The following TEX13D variants were observed in gnomAD, a reference collection of about 807,000 sequenced individuals.
TEX13D encodes TEX13 family member D, also known as testis-expressed protein 13D.
For missense variants in TEX13D, 261 were observed against 265.8 expected, an observed-to-expected ratio of 0.98 and a Z score of 0.12; for synonymous variants, 115 against 104.5, an observed-to-expected ratio of 1.10 and a Z score of -0.61.
Position 124,334,160 on chromosome X carries a change from G to C in TEX13D, c.1243G>C (p.Glu415Gln). 2 of 937,098 alleles carry C rather than the reference G, an allele frequency of 2.1e-6. No individual in the cohort carries two copies. Among genetic ancestry groups the C allele is most frequent in the Middle Eastern group, 4.5e-4 (1 of 2,238 alleles). 77.2% of individuals were successfully genotyped at this position (937,098 alleles called of 1,213,427 possible). ...PQGDSRSYSQ[E>Q]GCSDRAQEMA... ...GGGAGACAGCAGAAGCTACAGCCAG[G>C]AAGGATGTTCAGATAGGGCCCAGGA... is the stretch of plus-strand genomic sequence containing the variant. Residue 415 changes from glutamate (E) to glutamine (Q), a missense_variant, in exon 1 of 1, where the codon GAA (glutamate) becomes CAA (glutamine). Transcript: ENST00000632372.
rs2059970959 is a variant in TEX13D at position 124,335,046 on chromosome X, G to T, written c.2129G>T (p.Gly710Val). ...AAAGCCTGTGTGCCATTTGAGAGTG[G>T]AGGACAAACTCAGTGATTTCAGGAA... ...CKKACVPFES[G>V]GQTQ is the part of the protein sequence containing the mutation. Residue 710 changes from glycine (G) to valine (V), a missense_variant, in exon 1 of 1, where the codon GGA (glycine) becomes GTA (valine). By Grantham distance (109) the Gly-to-Val change is moderately radical. Coordinates refer to ENST00000632372, the MANE Select transcript of TEX13D (RefSeq NM_001355534.2). 2.1e-6 allele frequency: 2 copies of T among 936,193 alleles called. No homozygotes were observed. Among genetic ancestry groups the T allele is most frequent in the South Asian group, 1.2e-4 (2 of 16,834 alleles). 77.2% of individuals were successfully genotyped at this position (936,193 alleles called of 1,213,427 possible).
rs1026377220 is a variant in TEX13D at position 124,333,421 on chromosome X, A to G, written c.504A>G (p.Ala168=). The change falls in exon 1 of 1, where the codon GCA becomes GCG. Residue 168 remains alanine (A), a synonymous_variant. Transcript: ENST00000632372. The stretch of plus-strand genomic sequence containing the variant: ...ATGAAATAATGTCTGGGCCGCAAGC[A>G]GAGCAGAATGGGGCTGCGGCATGTC... ...LAHEIMSGPQ[A]EQNGAAACPL... 5 of 336,432 alleles carry G rather than the reference A, an allele frequency of 1.5e-5. No homozygotes were observed. The highest frequency in any genetic ancestry group is 1.4e-4 in the African/African-American group (5 of 36,962). 27.7% of individuals were successfully genotyped at this position (336,432 alleles called of 1,213,427 possible).
chrX:124,335,487 T>TTAA lies in TEX13D; in HGVS notation c.*426_*427insAAT, dbSNP rs1386733169. The TTAA allele has an allele frequency of 8.8e-6, 1 of 113,124 alleles. No individual in the cohort carries two copies. Among genetic ancestry groups the TTAA allele is most frequent in the Non-Finnish European group, 1.9e-5 (1 of 53,958 alleles). 9.3% of individuals were successfully genotyped at this position (113,124 alleles called of 1,213,427 possible). On this transcript the variant is annotated 3_prime_UTR_variant, in exon 1 of 1. Coordinates refer to ENST00000632372, the MANE Select transcript of TEX13D (RefSeq NM_001355534.2). Reference sequence around the variant, plus strand: ...TATGTGGCTGGGAGCAGTTGTGTGATTTTAGAGTTAGAAGATATGTTGAAT... The same window carrying TTAA: ...TATGTGGCTGGGAGCAGTTGTGTGATTAATTTAGAGTTAGAAGATATGTTGAAT...
In TEX13D at chrX:124,335,224, C is replaced by T; in HGVS notation, c.*162C>T. The T allele has an allele frequency of 5.6e-6, 2 of 356,759 alleles. No individual in the cohort carries two copies. Among genetic ancestry groups the T allele is most frequent in the Non-Finnish European group, 4.4e-6 (1 of 227,882 alleles). The allele number at this position is 356,759 out of a possible 1,213,427, so 29.4% of individuals were successfully genotyped here. On this transcript the variant is annotated 3_prime_UTR_variant, in exon 1 of 1. Coordinates refer to ENST00000632372, the MANE Select transcript of TEX13D (RefSeq NM_001355534.2). ...TTTATTATCCCATTACCCAAATTAG[C>T]CATTTTAAAAGTTGTTTTGGATACA...
chrX:124,334,120 G>T lies in TEX13D; in HGVS notation c.1203G>T (p.Gln401His), dbSNP rs774860995. The T allele has an allele frequency of 2.7e-3, 2,529 of 935,035 alleles. 1 individual carries two copies. The highest frequency in any genetic ancestry group is 3.1e-3 in the Non-Finnish European group (2,313 of 755,255). 77.1% of individuals were successfully genotyped at this position (935,035 alleles called of 1,213,427 possible). Reference protein sequence around the residue: ...SHKSEGPEGPQGTVPQGDSRS... With the variant: ...SHKSEGPEGPHGTVPQGDSRS... Reference sequence around the variant, plus strand: ...AATCAGAAGGTCCAGAGGGGCCCCAGGGGACGGTCCCCCAGGGAGACAGCA... The same window carrying T: ...AATCAGAAGGTCCAGAGGGGCCCCATGGGACGGTCCCCCAGGGAGACAGCA... The change falls in exon 1 of 1, where the codon CAG (glutamine) becomes CAT (histidine). Residue 401 changes from glutamine to histidine, a missense_variant. Coordinates refer to ENST00000632372, the MANE Select transcript of TEX13D (RefSeq NM_001355534.2).
rs775432134 is a variant in TEX13D at position 124,333,893 on chromosome X, G to A, written c.976G>A (p.Gly326Arg). The change falls in exon 1 of 1, where the codon GGG becomes AGG. Residue 326 changes from glycine to arginine, a missense_variant. By Grantham distance (125) the Gly-to-Arg change is moderately radical. Transcript: ENST00000632372. ...SERSQRMPLP[G>R]DSGCHNPLSE... ...GAGGTCCCAAAGAATGCCCCTCCCC[G>A]GGGACAGTGGGTGCCACAACCCGCT... The A allele has an allele frequency of 8.2e-4, 291 of 353,907 alleles. 2 individuals are homozygous for A. Among genetic ancestry groups the A allele is most frequent in the Middle Eastern group, 2.5e-3 (3 of 1,198 alleles). The allele number at this position is 353,907 out of a possible 1,213,427, so 29.2% of individuals were successfully genotyped here. A position where few individuals can be genotyped will look rare whatever the true frequency, so the allele number is the denominator to read the frequency against.
Position 124,332,923 on chromosome X carries a change from G to A in TEX13D, c.6G>A (p.Ala2=), listed in dbSNP as rs1207790980. 12 of 353,098 alleles carry A rather than the reference G, an allele frequency of 3.4e-5. No individual in the cohort carries two copies. The Admixed American group carries it at 6.5e-4, about 19-fold the overall frequency. The allele number at this position is 353,098 out of a possible 1,213,427, so 29.1% of individuals were successfully genotyped here. A position where few individuals can be genotyped will look rare whatever the true frequency, so the allele number is the denominator to read the frequency against. The change falls in exon 1 of 1, where the codon GCG becomes GCA. Residue 2 remains alanine (A), a synonymous_variant. Transcript: ENST00000632372. M[A]MNFGDHASGF... is the part of the protein sequence containing the mutation. ...TTGACTAGGCCACAGCCGCCATGGC[G>A]ATGAATTTTGGGGACCATGCCAGCG... is the stretch of plus-strand genomic sequence containing the variant.
At position 124,333,983 on chromosome X, in the gene TEX13D, A is replaced by C; in HGVS notation, c.1066A>C (p.Thr356Pro). The C allele has an allele frequency of 2.2e-6, 2 of 893,050 alleles. No homozygotes were observed. Among genetic ancestry groups the C allele is most frequent in the Non-Finnish European group, 2.8e-6 (2 of 715,617 alleles). 73.6% of individuals were successfully genotyped at this position (893,050 alleles called of 1,213,427 possible). ...CGGATGCCACTCCCAGGAAGAAGGT[A>C]CAGAAGGACCCCAGGGGATGGATCC... ...SSGCHSQEEG[T>P]EGPQGMDPLG... The change falls in exon 1 of 1, where the codon ACA becomes CCA. Residue 356 changes from threonine (T) to proline (P), a missense_variant. Transcript: ENST00000632372.
rs1000419533 is a variant in TEX13D, at chrX:124,333,916, G to A, written c.999G>A (p.Pro333=). ...PLPGDSGCHN[P]LSESPQGTAP... ...CCGGGGACAGTGGGTGCCACAACCC[G>A]CTGTCAGAGAGTCCCCAGGGGACAG... The change falls in exon 1 of 1, where the codon CCG becomes CCA. Residue 333 remains proline (P), a synonymous_variant. Coordinates refer to ENST00000632372, the MANE Select transcript of TEX13D (RefSeq NM_001355534.2). 3.3e-5 allele frequency: 16 copies of A among 491,166 alleles called. No individual in the cohort carries two copies. Among genetic ancestry groups the A allele is most frequent in the African/African-American group, 1.8e-4 (7 of 39,454 alleles). The allele number at this position is 491,166 out of a possible 1,213,427, so 40.5% of individuals were successfully genotyped here. A position where few individuals can be genotyped will look rare whatever the true frequency, so the allele number is the denominator to read the frequency against.
rs1228035420 is a variant in TEX13D at position 124,334,726 on chromosome X, C to A, written c.1809C>A (p.Ser603Arg). The stretch of plus-strand genomic sequence containing the variant: ...ACAGAAGCTATAGCCAGGAAGGAAG[C>A]CGAGAGAGGGCCCAGGGGATGGCCA... ...GDNRSYSQEG[S>R]RERAQGMATL... Residue 603 changes from serine (S) to arginine (R), a missense_variant, in exon 1 of 1, where the codon AGC (serine) becomes AGA (arginine). Ser to Arg is a moderately radical substitution (Grantham distance 110). Coordinates refer to ENST00000632372, the MANE Select transcript of TEX13D (RefSeq NM_001355534.2). 1.1e-6 allele frequency: 1 copy of A among 929,138 alleles called. No individual in the cohort carries two copies. The highest frequency in any genetic ancestry group is 6.0e-5 in the Admixed American group (1 of 16,708). The allele number at this position is 929,138 out of a possible 1,213,427, so 76.6% of individuals were successfully genotyped here. A position where few individuals can be genotyped will look rare whatever the true frequency, so the allele number is the denominator to read the frequency against.
Position 124,334,773 on chromosome X carries a change from G to A in TEX13D, c.1856G>A (p.Cys619Tyr). 6 of 938,431 alleles carry A rather than the reference G, an allele frequency of 6.4e-6. No individual in the cohort carries two copies. Among genetic ancestry groups the A allele is most frequent in the Non-Finnish European group, 7.9e-6 (6 of 756,283 alleles). The allele number at this position is 938,431 out of a possible 1,213,427, so 77.3% of individuals were successfully genotyped here. Residue 619 changes from cysteine to tyrosine, a missense_variant, in exon 1 of 1, where the codon TGC becomes TAC. Transcript: ENST00000632372. The part of the protein sequence containing the change: ...GMATLVFSRS[C>Y]KPEEGPERPQ... ...GCCACCCTGGTGTTTAGCAGGAGCT[G>A]CAAACCAGAAGAAGGTCCAGAGAGG...
In TEX13D at chrX:124,335,198, AT is replaced by A; in HGVS notation, c.*139del. ...ATTATGGAGAAAATTAAATAAAATA[AT>A]TTATTATCCCATTACCCAAATTAGC... On this transcript the variant is annotated 3_prime_UTR_variant, in exon 1 of 1. Transcript: ENST00000632372. The A allele has an allele frequency of 2.2e-6, 1 of 448,928 alleles. No individual in the cohort carries two copies. Among genetic ancestry groups the A allele is most frequent in the African/African-American group, 2.5e-5 (1 of 40,021 alleles). The allele number at this position is 448,928 out of a possible 1,213,427, so 37.0% of individuals were successfully genotyped here. A position where few individuals can be genotyped will look rare whatever the true frequency, so the allele number is the denominator to read the frequency against.
rs910193461 is a variant in TEX13D at position 124,334,265 on chromosome X, A to T, written c.1348A>T (p.Ser450Cys). The change falls in exon 1 of 1, where the codon AGC (serine) becomes TGC (cysteine). Residue 450 changes from serine to cysteine, a missense_variant. By Grantham distance (112) the Ser-to-Cys change is moderately radical. Transcript: ENST00000632372. ...RPQWTVPLGD[S>C]RSHIKEEGPE... ...CCAGTGGACTGTCCCCCTGGGGGAC[A>T]GCAGAAGTCATATCAAGGAAGAAGG... The T allele has an allele frequency of 2.3e-5, 21 of 932,104 alleles. No individual in the cohort carries two copies. The highest frequency in any genetic ancestry group is 2.7e-5 in the Non-Finnish European group (20 of 753,803). 76.8% of individuals were successfully genotyped at this position (932,104 alleles called of 1,213,427 possible).
In TEX13D at chrX:124,333,156, C is replaced by T. The variant is rs936901473; in HGVS notation, c.239C>T (p.Thr80Met). The T allele has an allele frequency of 6.7e-6, 3 of 448,341 alleles. No homozygotes were observed. The African/African-American group carries it at 7.4e-5, about 11-fold the overall frequency. 36.9% of individuals were successfully genotyped at this position (448,341 alleles called of 1,213,427 possible). ...TTGGCTTTGAGCGTGCGAGTGGCCA[C>T]GAGGCAGCGGGAGGAGCTGCTGCAC... is the stretch of plus-strand genomic sequence containing the variant. ...SALALSVRVA[T>M]RQREELLHHV... Residue 80 changes from threonine to methionine, a missense_variant, in exon 1 of 1, where the codon ACG becomes ATG. Coordinates refer to ENST00000632372, the MANE Select transcript of TEX13D (RefSeq NM_001355534.2).
In TEX13D at chrX:124,333,087, C is replaced by A; in HGVS notation, c.170C>A (p.Ser57Tyr). 1 of 460,229 alleles carries A rather than the reference C, an allele frequency of 2.2e-6. No individual in the cohort carries two copies. Among genetic ancestry groups the A allele is most frequent in the South Asian group, 3.2e-5 (1 of 31,605 alleles). The allele number at this position is 460,229 out of a possible 1,213,427, so 37.9% of individuals were successfully genotyped here. A position where few individuals can be genotyped will look rare whatever the true frequency, so the allele number is the denominator to read the frequency against. Residue 57 changes from serine to tyrosine, a missense_variant, in exon 1 of 1, where the codon TCT (serine) becomes TAT (tyrosine). By Grantham distance (144) the Ser-to-Tyr change is moderately radical. Coordinates refer to ENST00000632372, the MANE Select transcript of TEX13D (RefSeq NM_001355534.2). ...AGCCTTCAGGCCATTGTGGCCGACTCTCAGGTGCCGCGCGCCATCAAGAGG... is the reference window on the plus strand; with the variant it reads ...AGCCTTCAGGCCATTGTGGCCGACTATCAGGTGCCGCGCGCCATCAAGAGG... The part of the protein sequence containing the change: ...EDSLQAIVAD[S>Y]QVPRAIKRAC...
rs2059971830 is a variant in TEX13D, at chrX:124,335,505, T to C, written c.*443T>C. On this transcript the variant is annotated 3_prime_UTR_variant, in exon 1 of 1. Coordinates refer to ENST00000632372, the MANE Select transcript of TEX13D (RefSeq NM_001355534.2). Reference sequence around the variant, plus strand: ...TGTGTGATTTTAGAGTTAGAAGATATGTTGAATTTTAGGAACAGTACTTTT... The same window carrying C: ...TGTGTGATTTTAGAGTTAGAAGATACGTTGAATTTTAGGAACAGTACTTTT... 1 of 112,851 alleles carries C rather than the reference T, an allele frequency of 8.9e-6. No homozygotes were observed. The highest frequency in any genetic ancestry group is 9.4e-5 in the Admixed American group (1 of 10,640). 9.3% of individuals were successfully genotyped at this position (112,851 alleles called of 1,213,427 possible).
rs765082491 is a variant in TEX13D, at chrX:124,335,605, T to C, written c.*543T>C. The C allele has an allele frequency of 8.9e-6, 1 of 112,675 alleles. No homozygotes were observed. The highest frequency in any genetic ancestry group is 3.7e-4 in the South Asian group (1 of 2,726). 9.3% of individuals were successfully genotyped at this position (112,675 alleles called of 1,213,427 possible). On this transcript the variant is annotated 3_prime_UTR_variant, in exon 1 of 1. Coordinates refer to ENST00000632372, the MANE Select transcript of TEX13D (RefSeq NM_001355534.2). ...CTTCCTTGAAAATGCTATTATTCCTTTTGAAACTACTGCAATCTTCATGTT... is the reference window on the plus strand; with the variant it reads ...CTTCCTTGAAAATGCTATTATTCCTCTTGAAACTACTGCAATCTTCATGTT...
Position 124,333,178 on chromosome X carries a change from G to A in TEX13D, c.261G>A (p.Leu87=). 2.2e-6 allele frequency: 1 copy of A among 465,051 alleles called. No homozygotes were observed. Among genetic ancestry groups the A allele is most frequent in the African/African-American group, 2.4e-5 (1 of 41,794 alleles). The allele number at this position is 465,051 out of a possible 1,213,427, so 38.3% of individuals were successfully genotyped here. The change falls in exon 1 of 1, where the codon CTG becomes CTA. Residue 87 remains leucine, a synonymous_variant. Transcript: ENST00000632372. ...CCACGAGGCAGCGGGAGGAGCTGCT[G>A]CACCACGTTCGGCGGCTGCAAAGGC... is the stretch of plus-strand genomic sequence containing the variant. ...RVATRQREEL[L]HHVRRLQRHA...
Position 124,332,948 on chromosome X carries a change from G to A in TEX13D, c.31G>A (p.Gly11Ser), listed in dbSNP as rs1157338472. The change falls in exon 1 of 1, where the codon GGC becomes AGC. Residue 11 changes from glycine to serine, a missense_variant. Gly to Ser is a moderately conservative substitution (Grantham distance 56). Coordinates refer to ENST00000632372, the MANE Select transcript of TEX13D (RefSeq NM_001355534.2). MAMNFGDHASGFRHNDVIRFI... is the reference protein window; with the variant it reads MAMNFGDHASSFRHNDVIRFI... Reference sequence around the variant, plus strand: ...GATGAATTTTGGGGACCATGCCAGCGGCTTCCGCCACAATGATGTGATCAG... The same window carrying A: ...GATGAATTTTGGGGACCATGCCAGCAGCTTCCGCCACAATGATGTGATCAG... The A allele has an allele frequency of 8.2e-6, 3 of 364,010 alleles. No homozygotes were observed. Among genetic ancestry groups the A allele is most frequent in the Non-Finnish European group, 1.4e-5 (3 of 208,723 alleles). The allele number at this position is 364,010 out of a possible 1,213,427, so 30.0% of individuals were successfully genotyped here. A position where few individuals can be genotyped will look rare whatever the true frequency, so the allele number is the denominator to read the frequency against.
Sources: gnomAD v4.1 joint callset for allele counts on GRCh38, gnomAD v4.1.1 for gene constraint, MANE v1.5 for transcripts, NCBI Gene and HGNC (gene_info 2026-07-23, HGNC 2026-07-21) for gene names.